The following GPRIN3 variants were observed in gnomAD, a reference collection of about 807,000 sequenced individuals.
GPRIN3 encodes GPRIN family member 3.
GPRIN3 carries 12 observed loss-of-function variants against 13.7 expected under a neutral mutation model. That is an observed-to-expected ratio of 0.87 (90% CI 0.56 to 1.42). The LOEUF (loss-of-function observed/expected upper bound fraction) is 1.42. Among genes scored for constraint, GPRIN3 ranks in the 40% most tolerant of loss-of-function variants. GPRIN3 has a pLI of 0.00. For synonymous variants in GPRIN3, 377 were observed against 372.7 expected, an observed-to-expected ratio of 1.01 and a Z score of -0.13; for missense variants, 1,009 against 958.7, an observed-to-expected ratio of 1.05 and a Z score of -0.69.
chr4:89,250,093 G>A lies in GPRIN3; in HGVS notation c.18C>T (p.Asp6=), dbSNP rs1371599629. The part of the protein sequence containing the change: MGTVP[D]PLRSAKTSLI... The stretch of plus-strand genomic sequence containing the variant: ...GGGAAGTTTTAGCTGATCTCAGAGG[G>A]TCAGGTACAGTCCCCATGGAATTTC... The change falls in exon 2 of 2, where the codon GAC becomes GAT. Residue 6 remains aspartate, a synonymous_variant. Coordinates refer to ENST00000609438, the MANE Select transcript of GPRIN3 (RefSeq NM_198281.3). 6.2e-7 allele frequency: 1 copy of A among 1,613,198 alleles called. No individual in the cohort carries two copies. Among genetic ancestry groups the A allele is most frequent in the Admixed American group, 1.7e-5 (1 of 59,984 alleles).
chr4:89,248,658 A>G lies in GPRIN3; in HGVS notation c.1453T>C (p.Leu485=), dbSNP rs772482164. ...GATGGCCTGGTTTCAAATTTCCCCA[A>G]TCCATAACTTGTTTCAGCTTGACTG... is the stretch of plus-strand genomic sequence containing the variant. The part of the protein sequence containing the change: ...ACSQAETSYG[L]GKFETRPSEF... Residue 485 remains leucine (L), a synonymous_variant, in exon 2 of 2, where the codon TTG becomes CTG. Transcript: ENST00000609438. The G allele has an allele frequency of 2.5e-6, 4 of 1,614,056 alleles. No homozygotes were observed. The Middle Eastern group carries it at 4.9e-4, about 200-fold the overall frequency.
At chr4:89,277,643 G>T (rs1479178269) in intron 1 of GPRIN3, among the ~76,000 whole-genome samples, 1 of 152,142 alleles carries the variant, frequency 6.6e-6, no homozygotes, top group African/African-American at 2.4e-5. Flanking sequence ...CTGCCTTTGG[G>T]TGTCTGAGCC....
intron 1 of GPRIN3, among the ~76,000 whole-genome samples, chr4:89,251,571 A>T (rs4270553): frequency 0.56 from 84,563 of 152,082 alleles, 23,906 homozygotes; most frequent in South Asian, 0.72. Context: ...AATGATAGGA[A>T]AAGTCATGAT....
Position 89,250,096 on chromosome 4 carries a change from A to T in GPRIN3, c.15T>A (p.Pro5=), listed in dbSNP as rs1169504747. The change falls in exon 2 of 2, where the codon CCT becomes CCA. Residue 5 remains proline (P), a synonymous_variant. Coordinates refer to ENST00000609438, the MANE Select transcript of GPRIN3 (RefSeq NM_198281.3). ...AAGTTTTAGCTGATCTCAGAGGGTC[A>T]GGTACAGTCCCCATGGAATTTCTCT... MGTV[P]DPLRSAKTSL... 6.2e-7 allele frequency: 1 copy of T among 1,613,072 alleles called. No homozygotes were observed.
At chr4:89,273,546 G>A (rs896959519) in intron 1 of GPRIN3, among the ~76,000 whole-genome samples, 1 of 152,128 alleles carries the variant, frequency 6.6e-6, no homozygotes, top group Non-Finnish European at 1.5e-5. Context: ...AATTAGCTAG[G>A]CGTGGTGATG....
rs1324444834 is a variant in GPRIN3 at position 89,240,089 on chromosome 4, G to GA, written c.*7690dup. 2 of 152,094 alleles carry GA rather than the reference G, an allele frequency of 1.3e-5. No homozygotes were observed. The highest frequency in any genetic ancestry group is 2.9e-5 in the Non-Finnish European group (2 of 68,008). The allele number at this position is 152,094 out of a possible 1,614,324, so 9.4% of individuals were successfully genotyped here. On this transcript the variant is annotated 3_prime_UTR_variant, in exon 2 of 2. Coordinates refer to ENST00000609438, the MANE Select transcript of GPRIN3 (RefSeq NM_198281.3). ...ATCCCTAATAGAGCACTTCCTTTGA[G>GA]AAAAAATGAGATAAATTCGAACAAT...
At chr4:89,261,157 G>A (rs1306879789) in intron 1 of GPRIN3, among the ~76,000 whole-genome samples, 1 of 152,170 alleles carries the variant, frequency 6.6e-6, no homozygotes, top group Non-Finnish European at 1.5e-5. Flanking sequence ...CTAGGGTAGA[G>A]TTTCTCACCC....
chr4:89,297,865 A>G (rs1222801998), intron 1 of GPRIN3, among the ~76,000 whole-genome samples: 3 of 152,196 alleles, frequency 2.0e-5, no homozygotes, highest in Non-Finnish European at 4.4e-5. Flanking sequence ...AGTCTAAGCA[A>G]TTATCTAAAA....
chr4:89,265,285 T>C (rs1482461422), intron 1 of GPRIN3, among the ~76,000 whole-genome samples: 1 of 152,202 alleles, frequency 6.6e-6, no homozygotes, highest in African/African-American at 2.4e-5. Flanking sequence ...CTAATTTAAA[T>C]AATAAATTCT....
At chr4:89,259,168 C>A (rs1324595127) in intron 1 of GPRIN3, among the ~76,000 whole-genome samples, 2 of 152,162 alleles carry the variant, frequency 1.3e-5, no homozygotes, top group Admixed American at 6.5e-5. Context: ...AATTAACACA[C>A]AATAAGCTTT....
At chr4:89,291,129 C>T (rs1724560052) in intron 1 of GPRIN3, among the ~76,000 whole-genome samples, 1 of 152,110 alleles carries the variant, frequency 6.6e-6, no homozygotes, top group South Asian at 2.1e-4. Context: ...GCTTTTCTGA[C>T]CTCAGAACTA....
chr4:89,285,588 G>C (rs1197412901), intron 1 of GPRIN3, among the ~76,000 whole-genome samples: 4 of 152,122 alleles, frequency 2.6e-5, no homozygotes, highest in Non-Finnish European at 4.4e-5. Flanking sequence ...TTTTAATTCT[G>C]AAAATGTGTT....
intron 1 of GPRIN3, among the ~76,000 whole-genome samples, chr4:89,262,821 C>T (rs74690095): frequency 0.012 from 1,819 of 152,264 alleles, 46 homozygotes; most frequent in African/African-American, 0.042. Context: ...GCCCACCCTC[C>T]GCCATCCCCC....
At chr4:89,294,062 T>C (rs931172864) in intron 1 of GPRIN3, among the ~76,000 whole-genome samples, 3 of 152,212 alleles carry the variant, frequency 2.0e-5, no homozygotes, top group African/African-American at 7.2e-5. Flanking sequence ...ACAATTCCTC[T>C]CAAAACTGGT....
chr4:89,295,875 T>A (rs953058978), intron 1 of GPRIN3, among the ~76,000 whole-genome samples: 2 of 152,182 alleles, frequency 1.3e-5, no homozygotes, highest in Non-Finnish European at 2.9e-5. Context: ...TTAAATTGAC[T>A]TTAACTGGTG....
At chr4:89,253,560 A>G (rs1274380075) in intron 1 of GPRIN3, among the ~76,000 whole-genome samples, 1 of 152,224 alleles carries the variant, frequency 6.6e-6, no homozygotes, top group African/African-American at 2.4e-5. Context: ...TGAACAGCTC[A>G]AAGTTCAGCA....
In GPRIN3 at chr4:89,283,456, A is replaced by T. The variant is rs1421165067; in HGVS notation, c.-124+24159T>A. ...TCTGCTGCAAAACAGGGAAGGAAAA[A>T]AATACCAGGAACATAGTAAGTAATC... On this transcript the variant is annotated intron_variant, in intron 1 of 1. Transcript: ENST00000609438. Among the ~76,000 whole-genome samples the T allele has an allele frequency of 3.9e-5, 6 of 152,218 alleles. 1 individual carries two copies. Among genetic ancestry groups the T allele is most frequent in the African/African-American group, 1.4e-4 (6 of 41,452 alleles).
At position 89,288,042 on chromosome 4, in the gene GPRIN3, G is replaced by A. The variant is rs77605868; in HGVS notation, c.-124+19573C>T. Among the ~76,000 whole-genome samples, 616 of 152,242 alleles carry A rather than the reference G, an allele frequency of 4.0e-3. 6 individuals are homozygous for A. The highest frequency in any genetic ancestry group is 0.014 in the African/African-American group (582 of 41,540). On this transcript the variant is annotated intron_variant, in intron 1 of 1. Coordinates refer to ENST00000609438, the MANE Select transcript of GPRIN3 (RefSeq NM_198281.3). ...TTTTTGACTGATCATTTGAACACAT[G>A]GAATAATGTACTGTCTAATTTCGGT...
chr4:89,257,378 C>T (rs542737808), intron 1 of GPRIN3, among the ~76,000 whole-genome samples: 12 of 152,290 alleles, frequency 7.9e-5, no homozygotes, highest in East Asian at 1.9e-4. Context: ...TTAAGAAGCA[C>T]GATGACCCTA....
Sources: gnomAD v4.1 joint callset for allele counts (sites outside exome capture counted in the v4.1 genomes callset) on GRCh38, gnomAD v4.1.1 for gene constraint, MANE v1.5 for transcripts, NCBI Gene and HGNC (gene_info 2026-07-23, HGNC 2026-07-21) for gene names.